KCTD17: variants seen among roughly 807,000 people sequenced by gnomAD.
The protein encoded by KCTD17 is BTB/POZ domain-containing protein KCTD17.
KCTD17 carries 20 observed loss-of-function variants against 41.5 expected under a neutral mutation model. That is an observed-to-expected ratio of 0.48 (90% CI 0.34 to 0.70). The LOEUF is 0.70. Among genes scored for constraint, KCTD17 ranks in the 30% least tolerant of loss-of-function variants. The pLI is 0.01. For missense variants in KCTD17, 317 were observed against 427.2 expected (o/e 0.74, Z 2.27); for synonymous variants, 156 against 173.8 (o/e 0.90, Z 0.80).
chr22:37,055,823 C>T (rs1925039348), intron 2 of KCTD17, among the ~76,000 whole-genome samples: 1 of 152,196 alleles, frequency 6.6e-6, no homozygotes, highest in Admixed American at 6.5e-5. Flanking sequence ...GCTGTGTGAC[C>T]TTGGACAAGC....
chr22:37,061,997 G>A lies in KCTD17; in HGVS notation c.875+368G>A. ...TGGCCCATGAAGTGTCAGCCAGAGT[G>A]GCTTAAGGATTGCAGAGTGGCAGAA... On this transcript the variant is annotated intron_variant, in intron 8 of 8. Coordinates refer to ENST00000403888, the MANE Select transcript of KCTD17 (RefSeq NM_001282684.2). The surrounding 1 kb of genome is among the most constrained non-coding windows in gnomAD (Gnocchi z 6.6). 2 of 985,436 alleles carry A rather than the reference G, an allele frequency of 2.0e-6. No individual in the cohort carries two copies. The highest frequency in any genetic ancestry group is 2.4e-6 in the Non-Finnish European group (2 of 829,922). The allele number at this position is 985,436 out of a possible 1,614,324, so 61.0% of individuals were successfully genotyped here. A position where few individuals can be genotyped will look rare whatever the true frequency, so the allele number is the denominator to read the frequency against.
At chr22:37,058,339 G>A (rs1050886849) in intron 4 of KCTD17, among the ~76,000 whole-genome samples, 1 of 152,260 alleles carries the variant, frequency 6.6e-6, no homozygotes, top group Non-Finnish European at 1.5e-5. Context: ...AGACATGCCT[G>A]CCACCTTGGG....
chr22:37,061,377 C>T lies in KCTD17; in HGVS notation c.785-162C>T. On this transcript the variant is annotated intron_variant, in intron 7 of 8. Transcript: ENST00000403888. The surrounding 1 kb of genome is among the most constrained non-coding windows in gnomAD (Gnocchi z 6.6). ...GCGTCCTGCCTGCCGCCTCCTGCGC[C>T]CCTTCTGGTACCTCCTGCCTCCCAG... 3.4e-6 allele frequency: 5 copies of T among 1,474,944 alleles called. No homozygotes were observed. The South Asian group carries it at 6.9e-5, about 20-fold the overall frequency. 91.4% of individuals were successfully genotyped at this position (1,474,944 alleles called of 1,614,324 possible).
rs1925742410 is a variant in KCTD17 at position 37,061,254 on chromosome 22, C to T, written c.784+79C>T. ...TGCCTCTTCCCTCTCTGCCCCTGTC[C>T]GGGTTTTCTCTCTGCCTGCTCACGC... On this transcript the variant is annotated intron_variant, in intron 7 of 8. Coordinates refer to ENST00000403888, the MANE Select transcript of KCTD17 (RefSeq NM_001282684.2). The surrounding 1 kb of genome is among the most constrained non-coding windows in gnomAD (Gnocchi z 6.6). 12 of 1,544,292 alleles carry T rather than the reference C, an allele frequency of 7.8e-6. No homozygotes were observed. The highest frequency in any genetic ancestry group is 2.0e-5 in the Admixed American group (1 of 50,934).
chr22:37,058,626 C>T (rs143143656), intron 4 of KCTD17, among the ~76,000 whole-genome samples: 5 of 152,324 alleles, frequency 3.3e-5, no homozygotes, highest in Non-Finnish European at 7.3e-5. Context: ...TCTTCAGGGT[C>T]CCTGAGAGCT....
Position 37,053,020 on chromosome 22 carries a change from C to T in KCTD17, c.190-80C>T. On this transcript the variant is annotated intron_variant, in intron 1 of 8. Coordinates refer to ENST00000403888, the MANE Select transcript of KCTD17 (RefSeq NM_001282684.2). The surrounding 1 kb of genome is among the most constrained non-coding windows in gnomAD (Gnocchi z 4.1). ...CAGGGAAGAGCTCTCCCTCCACTCTCCTTCCCTCCCTGTGCGTGTGCGGGG... is the reference window on the plus strand; with the variant it reads ...CAGGGAAGAGCTCTCCCTCCACTCTTCTTCCCTCCCTGTGCGTGTGCGGGG... 8.7e-7 allele frequency: 1 copy of T among 1,149,732 alleles called. No homozygotes were observed. The highest frequency in any genetic ancestry group is 1.3e-5 in the South Asian group (1 of 74,584). The allele number at this position is 1,149,732 out of a possible 1,614,324, so 71.2% of individuals were successfully genotyped here. A position where few individuals can be genotyped will look rare whatever the true frequency, so the allele number is the denominator to read the frequency against.
rs1237255950 is a variant in KCTD17, at chr22:37,052,458, C to T, written c.189+509C>T. 8.9e-6 allele frequency: 4 copies of T among 451,198 alleles called. No homozygotes were observed. The East Asian group carries it at 2.8e-4, about 32-fold the overall frequency. The allele number at this position is 451,198 out of a possible 1,614,324, so 27.9% of individuals were successfully genotyped here. On this transcript the variant is annotated intron_variant, in intron 1 of 8. Transcript: ENST00000403888. ...CCACCCTGACTCTGCTGCACACTGC[C>T]TGCCGCGACCTTGAGTCGGACCCTT...
At chr22:37,052,739 G>A in intron 1 of KCTD17, 1 of 447,390 alleles carries the variant, frequency 2.2e-6, no homozygotes, top group East Asian at 6.8e-5. Context: ...CTAGGGACCT[G>A]GGGGCGACAG....
chr22:37,054,294 G>T (rs569954130), intron 2 of KCTD17, among the ~76,000 whole-genome samples: 2 of 152,312 alleles, frequency 1.3e-5, no homozygotes, highest in African/African-American at 4.8e-5. Context: ...CACCCCAGCT[G>T]CGTCGCAGCC....
At chr22:37,054,989 C>G (rs185726024) in intron 2 of KCTD17, 9 of 152,320 alleles carry the variant, frequency 5.9e-5, no homozygotes, top group Admixed American at 2.6e-4. Flanking sequence ...GCTAGAAACC[C>G]GAGATCGGGG....
In KCTD17 at chr22:37,061,258, T is replaced by C. The variant is rs1040718308; in HGVS notation, c.784+83T>C. The C allele has an allele frequency of 4.7e-5, 72 of 1,543,372 alleles. No individual in the cohort carries two copies. The highest frequency in any genetic ancestry group is 6.0e-5 in the Non-Finnish European group (69 of 1,146,488). On this transcript the variant is annotated intron_variant, in intron 7 of 8. Coordinates refer to ENST00000403888, the MANE Select transcript of KCTD17 (RefSeq NM_001282684.2). This position sits in a 1 kb window ranked among gnomAD's most constrained non-coding sequence, Gnocchi z 6.6. Reference sequence around the variant, plus strand: ...TCTTCCCTCTCTGCCCCTGTCCGGGTTTTCTCTCTGCCTGCTCACGCCTCC... The same window carrying C: ...TCTTCCCTCTCTGCCCCTGTCCGGGCTTTCTCTCTGCCTGCTCACGCCTCC...
intron 5 of KCTD17, 82 bp from the exon 6 acceptor site, chr22:37,060,741 T>G: frequency 7.0e-7 from 1 of 1,424,306 alleles, no homozygotes; most frequent in South Asian, 1.6e-5. Flanking sequence ...TGAGACCGGG[T>G]CTTTGGGGAT....
chr22:37,057,617 A>G, intron 4 of KCTD17, 124 bp downstream of exon 4: 1 of 711,140 alleles, frequency 1.4e-6, no homozygotes, highest in Non-Finnish European at 2.4e-6. Context: ...CCCCAACCCC[A>G]GGGTTCTTCT....
intron 4 of KCTD17, among the ~76,000 whole-genome samples, chr22:37,058,744 C>T (rs1925432215): frequency 6.6e-6 from 1 of 152,222 alleles, no homozygotes; most frequent in Admixed American, 6.5e-5. Context: ...ACTCTGAGAG[C>T]CTCTGGGTGT....
chr22:37,052,441 ACT>A (rs2145952392), intron 1 of KCTD17: 2 of 439,462 alleles, frequency 4.6e-6, no homozygotes, highest in South Asian at 3.2e-5. Flanking sequence ...ACCCACCCTG[ACT>A]CTGCTGCACA....
rs752645202 is a variant in KCTD17, at chr22:37,059,303, G to A, written c.487-10G>A. 44 of 1,611,560 alleles carry A rather than the reference G, an allele frequency of 2.7e-5. No homozygotes were observed. The highest frequency in any genetic ancestry group is 3.3e-5 in the South Asian group (3 of 91,068). The stretch of plus-strand genomic sequence containing the variant: ...ACCTGCATTTTTCTCCCCATGCTCC[G>A]CCCCTCTAGCTGGTGAACATCGGCT... On this transcript the variant is annotated splice_polypyrimidine_tract_variant and intron_variant, in intron 4 of 8. Coordinates refer to ENST00000403888, the MANE Select transcript of KCTD17 (RefSeq NM_001282684.2).
chr22:37,055,091 G>T, intron 2 of KCTD17: 1 of 152,466 alleles, frequency 6.6e-6, no homozygotes, highest in Non-Finnish European at 1.5e-5. Context: ...GAGGGAGCTA[G>T]CCCTCGCCCG....
At chr22:37,054,790 G>A (rs1221846969) in intron 2 of KCTD17, among the ~76,000 whole-genome samples, 1 of 152,160 alleles carries the variant, frequency 6.6e-6, no homozygotes, top group Non-Finnish European at 1.5e-5. Flanking sequence ...GGGCACTGGG[G>A]ATAATTCTCG....
chr22:37,058,066 G>A (rs118164763), intron 4 of KCTD17, among the ~76,000 whole-genome samples: 120 of 152,360 alleles, frequency 7.9e-4, no homozygotes, highest in Middle Eastern at 3.4e-3. Context: ...TCCTTATCCC[G>A]AGGGACTTTA....
Sources: gnomAD v4.1 joint callset for allele counts (sites outside exome capture counted in the v4.1 genomes callset) on GRCh38, gnomAD v4.1.1 for gene constraint, Gnocchi (gnomAD v3.1) non-coding constraint, MANE v1.5 for transcripts, NCBI Gene and HGNC (gene_info 2026-07-23, HGNC 2026-07-21) for gene names.